Variants in SCN1A observed in about 807,000 individuals in gnomAD.
The protein encoded by SCN1A is sodium voltage-gated channel alpha subunit 1.
Under a neutral mutation model 193.7 loss-of-function variants are expected in SCN1A, and 13 were observed. The observed-to-expected ratio is 0.07, with a 90% confidence interval of 0.04 to 0.11. The LOEUF is 0.11. Ranked by LOEUF, SCN1A falls within the 10% of genes least tolerant of loss-of-function variation. The pLI is 1.00. For missense variants in SCN1A, 1,432 were observed against 2,451.1 expected (o/e 0.58, Z 8.78); for synonymous variants, 781 against 843.6 (o/e 0.93, Z 1.29).
intron 4 of SCN1A, 115 bp downstream of exon 4, chr2:166,073,243 T>A: frequency 7.8e-7 from 1 of 1,288,888 alleles, no homozygotes; most frequent in Non-Finnish European, 1.1e-6. Context: ...GTTTCATTTC[T>A]TAAACAGAAG....
intron 23 of SCN1A, among the ~76,000 whole-genome samples, chr2:166,006,700 T>A (rs1691710440): frequency 6.6e-6 from 1 of 151,270 alleles, no homozygotes; most frequent in African/African-American, 2.4e-5. Context: ...ACTTACACAA[T>A]AAAAAATGAG....
chr2:166,019,609 T>A (rs1693739146), intron 19 of SCN1A, among the ~76,000 whole-genome samples: 2 of 152,194 alleles, frequency 1.3e-5, no homozygotes, highest in Admixed American at 1.3e-4. Flanking sequence ...AACTATTTTC[T>A]CAGTCAGATT....
At chr2:166,051,654 A>G in intron 9 of SCN1A, 65 bp downstream of exon 9, 1 of 1,291,870 alleles carries the variant, frequency 7.7e-7, no homozygotes, top group Admixed American at 2.0e-5. Context: ...TCAAGTATTT[A>G]TCCTTTGTGT....
intron 19 of SCN1A, among the ~76,000 whole-genome samples, chr2:166,027,387 G>T (rs892645585): frequency 2.6e-5 from 4 of 152,018 alleles, no homozygotes; most frequent in Non-Finnish European, 5.9e-5. Context: ...GTGATTAAAT[G>T]CTTTTTTTCT....
intron 4 of SCN1A, among the ~76,000 whole-genome samples, chr2:166,070,785 T>G (rs750954735): frequency 1.2e-4 from 18 of 152,208 alleles, no homozygotes; most frequent in Non-Finnish European, 2.1e-4. Context: ...AAAGATTGAT[T>G]GGTTGTTCTG....
chr2:166,141,374 T>A (rs6432872), intron 1 of SCN1A, among the ~76,000 whole-genome samples: 2 of 151,658 alleles, frequency 1.3e-5, no homozygotes, highest in African/African-American at 4.8e-5. Context: ...ACGTGTTTTA[T>A]ATTTTTCTTT....
At chr2:166,061,951 G>A (rs1354052936) in intron 4 of SCN1A, among the ~76,000 whole-genome samples, 1 of 152,142 alleles carries the variant, frequency 6.6e-6, no homozygotes, top group Admixed American at 6.5e-5. Context: ...TAAAGAATGT[G>A]TAGAAGATTA....
At position 166,042,433 on chromosome 2, in the gene SCN1A, A is replaced by G. The variant is rs1697298498; in HGVS notation, c.2044-9T>C. On this transcript the variant is annotated splice_polypyrimidine_tract_variant and intron_variant, in intron 14 of 28. Coordinates refer to ENST00000674923, the MANE Select transcript of SCN1A (RefSeq NM_001165963.4). The stretch of plus-strand genomic sequence containing the variant: ...GTTTCAGTGGTTGTTCCCTGTAAAA[A>G]AAAATGCTAATGCATTAAACAATTA... 1 of 1,613,532 alleles carries G rather than the reference A, an allele frequency of 6.2e-7. No homozygotes were observed. The highest frequency in any genetic ancestry group is 1.7e-5 in the Admixed American group (1 of 60,018).
In SCN1A at chr2:166,136,456, C is replaced by T. The variant is rs183319770; in HGVS notation, c.-50+12591G>A. The stretch of plus-strand genomic sequence containing the variant: ...TATATGTTATGTTATGCTACACACA[C>T]ACAACTGCTAATGAGTGTTCTCTCT... On this transcript the variant is annotated intron_variant, in intron 1 of 26. Transcript: ENST00000635750. 8.5e-5 allele frequency among the ~76,000 whole-genome samples: 13 copies of T among 152,210 alleles called. No individual in the cohort carries two copies. In the East Asian group the frequency reaches 2.3e-3, roughly 27 times the overall value.
At chr2:166,115,820 C>T (rs960217005) in intron 2 of SCN1A, among the ~76,000 whole-genome samples, 2 of 152,006 alleles carry the variant, frequency 1.3e-5, no homozygotes, top group African/African-American at 4.8e-5. Flanking sequence ...CACCATATTG[C>T]AAAGAAGGTA....
At chr2:166,132,728 G>A (rs1691709095), upstream of SCN1A, among the ~76,000 whole-genome samples, 1 of 151,892 alleles carries the variant, frequency 6.6e-6, no homozygotes. Context: ...GTACTAAAGT[G>A]GACTTTTGAA....
Position 166,009,851 on chromosome 2 carries a change from C to T in SCN1A, c.3880-10G>A, listed in dbSNP as rs886055043. ...AACTGACCAATGAAACCTGCACACA[C>T]AAAAATAATAACAATTAATAAACAG... On this transcript the variant is annotated splice_polypyrimidine_tract_variant and intron_variant, in intron 22 of 28. Transcript: ENST00000674923. 6.2e-7 allele frequency: 1 copy of T among 1,604,160 alleles called. No individual in the cohort carries two copies. The highest frequency in any genetic ancestry group is 8.5e-7 in the Non-Finnish European group (1 of 1,173,086).
chr2:166,052,536 T>G lies in SCN1A; in HGVS notation c.694+316A>C, dbSNP rs557109466. On this transcript the variant is annotated intron_variant, in intron 8 of 28. Coordinates refer to ENST00000674923, the MANE Select transcript of SCN1A (RefSeq NM_001165963.4). ...ATTTGCATTGTATACACATAGTCATTAATGACTCTAATGAATAAGAAATTA... is the reference window on the plus strand; with the variant it reads ...ATTTGCATTGTATACACATAGTCATGAATGACTCTAATGAATAAGAAATTA... Among the ~76,000 whole-genome samples the G allele has an allele frequency of 8.6e-5, 13 of 151,728 alleles. No homozygotes were observed. The East Asian group carries it at 2.3e-3, about 27-fold the overall frequency.
chr2:166,098,305 T>C (rs1687622745), intron 2 of SCN1A, among the ~76,000 whole-genome samples: 1 of 152,056 alleles, frequency 6.6e-6, no homozygotes, highest in African/African-American at 2.4e-5. Flanking sequence ...GGAAAAGGCT[T>C]TCAATAAAAT....
chr2:166,015,799 A>G (rs1355828325), intron 19 of SCN1A, 72 bp from the exon 20 acceptor site: 2 of 1,538,334 alleles, frequency 1.3e-6, no homozygotes, highest in African/African-American at 2.7e-5. Flanking sequence ...AGAAAGGATT[A>G]TTACTATGAA....
At chr2:166,048,175 G>GT (rs1698076628) in intron 10 of SCN1A, among the ~76,000 whole-genome samples, 1 of 151,980 alleles carries the variant, frequency 6.6e-6, no homozygotes, top group African/African-American at 2.4e-5. Flanking sequence ...TACAGTAGGT[G>GT]TTTAATAGAT....
chr2:166,015,859 G>A, intron 19 of SCN1A, 132 bp from the exon 20 acceptor site: 2 of 949,900 alleles, frequency 2.1e-6, no homozygotes, highest in Non-Finnish European at 3.3e-6. Flanking sequence ...GAAAAAGAGA[G>A]ATTGAATAAG....
chr2:166,002,775 A>AG (rs1315633862), intron 23 of SCN1A, 22 bp from the exon 24 acceptor site: 1 of 1,592,438 alleles, frequency 6.3e-7, no homozygotes, highest in East Asian at 2.2e-5. Context: ...ATGGAAAAAA[A>AG]GAAAAGTCAG....
At chr2:166,050,217 C>T (rs1015899989) in intron 9 of SCN1A, among the ~76,000 whole-genome samples, 20 of 151,882 alleles carry the variant, frequency 1.3e-4, no homozygotes, top group African/African-American at 4.6e-4. Flanking sequence ...AATGATCTAA[C>T]CTTAATGATC....
Sources: gnomAD v4.1 joint callset for allele counts (sites outside exome capture counted in the v4.1 genomes callset) on GRCh38, gnomAD v4.1.1 for gene constraint, MANE v1.5 for transcripts, NCBI Gene and HGNC (gene_info 2026-07-23, HGNC 2026-07-21) for gene names.